GRIN2A: variants seen among roughly 807,000 people sequenced by gnomAD.
GRIN2A encodes the protein glutamate ionotropic receptor NMDA type subunit 2A.
GRIN2A carries 22 observed loss-of-function variants against 113.4 expected under a neutral mutation model. That is an observed-to-expected ratio of 0.19 (90% confidence interval 0.14 to 0.28). The LOEUF (loss-of-function observed/expected upper bound fraction) is 0.28, where lower values mean the gene tolerates loss of function less well. Among genes scored for constraint, GRIN2A ranks in the 10% least tolerant of loss-of-function variants. The probability of loss-of-function intolerance (pLI) is 1.00; values close to 1 mark genes in which losing one functional copy is unlikely to be tolerated. For synonymous variants in GRIN2A, 827 were observed against 738.4 expected (o/e 1.12, Z -1.94); for missense variants, 1,502 against 1,887.0 (o/e 0.80, Z 3.78).
chr16:10,170,688 C>A (rs1260830715), intron 2 of GRIN2A, among the ~76,000 whole-genome samples: 2 of 152,042 alleles, frequency 1.3e-5, no homozygotes, highest in Non-Finnish European at 2.9e-5. Flanking sequence ...CCAGCCTGGG[C>A]AACATGGTGA....
intron 2 of GRIN2A, among the ~76,000 whole-genome samples, chr16:9,954,422 C>G (rs1244470399): frequency 6.6e-6 from 1 of 152,164 alleles, no homozygotes; most frequent in African/African-American, 2.4e-5. Context: ...ACACACATTG[C>G]ATCATCTTGC....
At chr16:9,805,568 T>G (rs1021803554) in intron 10 of GRIN2A, 1 of 152,200 alleles carries the variant, frequency 6.6e-6, no homozygotes, top group Admixed American at 6.5e-5. Context: ...GGAACACAAT[T>G]CAGATTTATC....
At chr16:10,127,344 C>T (rs2048960952) in intron 2 of GRIN2A, among the ~76,000 whole-genome samples, 1 of 152,088 alleles carries the variant, frequency 6.6e-6, no homozygotes, top group African/African-American at 2.4e-5. Context: ...ATGTGGAGCT[C>T]CTTACCATCC....
At chr16:9,799,257 A>C (rs1272543988) in intron 10 of GRIN2A, among the ~76,000 whole-genome samples, 1 of 152,166 alleles carries the variant, frequency 6.6e-6, no homozygotes, top group African/African-American at 2.4e-5. Flanking sequence ...CCCCTAATCC[A>C]CTGTGGCTGC....
intron 2 of GRIN2A, among the ~76,000 whole-genome samples, chr16:10,085,772 G>A (rs558162049): frequency 6.6e-6 from 1 of 152,312 alleles, no homozygotes; most frequent in Admixed American, 6.5e-5. Context: ...CTCCTGTCTG[G>A]TTATGGCTAG....
intron 2 of GRIN2A, among the ~76,000 whole-genome samples, chr16:9,956,026 G>T (rs190590093): frequency 6.6e-5 from 10 of 152,196 alleles, no homozygotes; most frequent in Admixed American, 3.3e-4. Flanking sequence ...TCCTTGTAAA[G>T]TTCTGTTGTT....
chr16:9,832,226 C>T (rs2141320501), intron 8 of GRIN2A, among the ~76,000 whole-genome samples: 1 of 152,068 alleles, frequency 6.6e-6, no homozygotes, highest in South Asian at 2.1e-4. Context: ...AAAGCCTTGA[C>T]ATCACAAGTA....
intron 5 of GRIN2A, among the ~76,000 whole-genome samples, chr16:9,845,335 T>C (rs2042753401): frequency 6.6e-6 from 1 of 152,218 alleles, no homozygotes; most frequent in African/African-American, 2.4e-5. Flanking sequence ...TCTACTTGTT[T>C]TCAGCTCCAG....
chr16:9,988,402 A>G (rs923304841), intron 2 of GRIN2A, among the ~76,000 whole-genome samples: 1 of 152,118 alleles, frequency 6.6e-6, no homozygotes, highest in Non-Finnish European at 1.5e-5. Flanking sequence ...TACAATTTGA[A>G]CACATCCATA....
Position 9,764,813 on chromosome 16 carries a change from T to A in GRIN2A, c.2731A>T (p.Asn911Tyr). 6.2e-7 allele frequency: 1 copy of A among 1,614,190 alleles called. No individual in the cohort carries two copies. Among genetic ancestry groups the A allele is most frequent in the Admixed American group, 1.7e-5 (1 of 60,024 alleles). ...TTGGGTGAGTCCATTCTTGAGGAGT[T>A]CATGTTGGACATGCTGGAAATGTTT... ...AKNISSMSNM[N>Y]SSRMDSPKRA... Residue 911 changes from asparagine (N) to tyrosine (Y), a missense_variant, in exon 13 of 13, where the codon AAC becomes TAC. By Grantham distance (143) the Asn-to-Tyr change is moderately radical (BLOSUM62 -2). Coordinates refer to ENST00000330684, the MANE Select transcript of GRIN2A (RefSeq NM_001134407.3).
At chr16:10,076,043 T>C (rs1328347131) in intron 2 of GRIN2A, among the ~76,000 whole-genome samples, 6 of 151,946 alleles carry the variant, frequency 3.9e-5, no homozygotes, top group Non-Finnish European at 4.4e-5. Flanking sequence ...GAGTGAAAAA[T>C]GCGCCCATTG....
intron 4 of GRIN2A, among the ~76,000 whole-genome samples, chr16:9,860,388 C>T (rs566909670): frequency 1.7e-3 from 224 of 133,578 alleles, no homozygotes; most frequent in Middle Eastern, 0.011. Context: ...GCGGAGGTTG[C>T]AGTGAGCTGA....
chr16:9,881,605 T>G (rs950793487), intron 4 of GRIN2A, among the ~76,000 whole-genome samples: 1 of 152,238 alleles, frequency 6.6e-6, no homozygotes, highest in Non-Finnish European at 1.5e-5. Context: ...TACTAAAAGA[T>G]GCTCCTCATT....
rs200950335 is a variant in GRIN2A, at chr16:9,764,006, T to C, written c.3538A>G (p.Asn1180Asp). The C allele has an allele frequency of 6.2e-7, 1 of 1,614,114 alleles. No homozygotes were observed. The highest frequency in any genetic ancestry group is 2.2e-5 in the East Asian group (1 of 44,864). ...GAGTAGAGTTTATACTGGTCGTTGTTGGAAAGCCCCTCTTCATTATGCAAG... is the reference window on the plus strand; with the variant it reads ...GAGTAGAGTTTATACTGGTCGTTGTCGGAAAGCCCCTCTTCATTATGCAAG... The part of the protein sequence containing the change: ...NPLHNEEGLS[N>D]NDQYKLYSKH... Residue 1180 changes from asparagine (N) to aspartate (D), a missense_variant, in exon 13 of 13, where the codon AAC (asparagine) becomes GAC (aspartate). Physicochemically the swap from Asn to Asp is conservative, Grantham distance 23 (BLOSUM62 1). Around this residue, in one of 7 missense-constraint regions of GRIN2A, gnomAD observed 832 missense variants for 789.7 expected, o/e 1.05. Coordinates refer to ENST00000330684, the MANE Select transcript of GRIN2A (RefSeq NM_001134407.3).
At chr16:9,854,846 A>G (rs1201227345) in intron 4 of GRIN2A, among the ~76,000 whole-genome samples, 1 of 152,194 alleles carries the variant, frequency 6.6e-6, no homozygotes, top group Admixed American at 6.5e-5. Context: ...TTCCAGGAAT[A>G]AGGTTTCAAT....
chr16:10,074,498 G>A (rs2047829598), intron 2 of GRIN2A, among the ~76,000 whole-genome samples: 1 of 150,250 alleles, frequency 6.7e-6, no homozygotes, highest in African/African-American at 2.5e-5. Flanking sequence ...TACAATCAAT[G>A]AAGGGATAAA....
intron 2 of GRIN2A, among the ~76,000 whole-genome samples, chr16:10,172,640 C>A (rs2050066090): frequency 6.6e-6 from 1 of 152,230 alleles, no homozygotes; most frequent in Non-Finnish European, 1.5e-5. Context: ...GGATGAGATT[C>A]ATCTCCAGCC....
At chr16:9,926,494 A>G (rs1033434805) in intron 3 of GRIN2A, among the ~76,000 whole-genome samples, 1 of 152,240 alleles carries the variant, frequency 6.6e-6, no homozygotes, top group Non-Finnish European at 1.5e-5. Flanking sequence ...CCTATGTTGT[A>G]CACACTTCCA....
At chr16:9,962,924 T>C (rs766732708) in intron 2 of GRIN2A, among the ~76,000 whole-genome samples, 1 of 151,932 alleles carries the variant, frequency 6.6e-6, no homozygotes, top group African/African-American at 2.4e-5. Flanking sequence ...ATATACACCA[T>C]GGAATACTAT....
Sources: gnomAD v4.1 joint callset for allele counts (sites outside exome capture counted in the v4.1 genomes callset) on GRCh38, gnomAD v4.1.1 for gene constraint, gnomAD v4.1.1 regional missense constraint, MANE v1.5 for transcripts, NCBI Gene and HGNC (gene_info 2026-07-23, HGNC 2026-07-21) for gene names.